The following MYEF2 variants were observed in gnomAD, a reference collection of about 807,000 sequenced individuals.
MYEF2 encodes myelin expression factor 2.
Under a neutral mutation model 75.2 loss-of-function variants are expected in MYEF2, and 37 were observed. That is an observed-to-expected ratio of 0.49 (90% CI 0.38 to 0.65). The LOEUF is 0.65. MYEF2 is among the 30% of genes least tolerant of loss of function. MYEF2 has a pLI of 0.00. For missense variants in MYEF2, 634 were observed against 771.4 expected (o/e 0.82, Z 2.11); for synonymous variants, 195 against 241.6 (o/e 0.81, Z 1.79).
At chr15:48,153,769 A>G in intron 10 of MYEF2, 23 bp downstream of exon 10, 1 of 1,590,722 alleles carries the variant, frequency 6.3e-7, no homozygotes, top group African/African-American at 1.3e-5. Flanking sequence ...TTTAAAAAGA[A>G]AAGAGGAAGT....
chr15:48,151,685 C>CT (rs1404582563), intron 12 of MYEF2, 114 bp from the exon 13 acceptor site: 2 of 1,222,454 alleles, frequency 1.6e-6, no homozygotes, highest in Non-Finnish European at 2.3e-6. Context: ...ATAAAATAGT[C>CT]TGTCATTTAC....
intron 1 of MYEF2, among the ~76,000 whole-genome samples, chr15:48,176,907 G>A (rs2040548402): frequency 1.3e-5 from 2 of 152,074 alleles, no homozygotes; most frequent in Non-Finnish European, 2.9e-5. Context: ...AGATGCTGCC[G>A]ATCCTGTTCA....
chr15:48,147,223 A>C (rs2039318143), intron 16 of MYEF2, among the ~76,000 whole-genome samples: 5 of 151,900 alleles, frequency 3.3e-5, no homozygotes, highest in Admixed American at 1.3e-4. Flanking sequence ...TCCTCATGTC[A>C]AAACAATGCC....
At chr15:48,174,700 T>C (rs890699816) in intron 1 of MYEF2, among the ~76,000 whole-genome samples, 12 of 152,118 alleles carry the variant, frequency 7.9e-5, no homozygotes, top group African/African-American at 2.7e-4. Context: ...GTGCTCAATA[T>C]CACTGTTCAT....
chr15:48,176,640 A>G (rs1356161589), intron 1 of MYEF2, among the ~76,000 whole-genome samples: 2 of 152,202 alleles, frequency 1.3e-5, no homozygotes, highest in Non-Finnish European at 2.9e-5. Flanking sequence ...TCAAGGCTGC[A>G]CTTTTTGTTC....
At chr15:48,152,544 A>T in intron 10 of MYEF2, 1 of 403,238 alleles carries the variant, frequency 2.5e-6, no homozygotes. Flanking sequence ...TCAGTTAGAG[A>T]ATATCTTGAA....
At chr15:48,154,310 T>G (rs1198109524) in intron 9 of MYEF2, among the ~76,000 whole-genome samples, 1 of 152,120 alleles carries the variant, frequency 6.6e-6, no homozygotes, top group Non-Finnish European at 1.5e-5. Context: ...AACTAAAAAG[T>G]CAATAACCAT....
intron 2 of MYEF2, among the ~76,000 whole-genome samples, chr15:48,168,405 G>A (rs1177946231): frequency 6.6e-6 from 1 of 152,054 alleles, no homozygotes; most frequent in African/African-American, 2.4e-5. Flanking sequence ...GCATGCATAT[G>A]CTGGCTCGCT....
Position 48,149,336 on chromosome 15 carries a change from C to A in MYEF2, c.1414G>T (p.Gly472Ter). Residue 472 changes from glycine to a stop codon, truncating the protein, a stop_gained, in exon 15 of 17, where the codon GGA becomes TGA. Coordinates refer to ENST00000324324, the MANE Select transcript of MYEF2 (RefSeq NM_016132.5). LOFTEE classifies it high-confidence loss of function. This position sits in a 1 kb window ranked among gnomAD's most constrained non-coding sequence, Gnocchi z 4.0. Reference protein sequence around the residue: ...GMGSMNSVTGGMGMGLDRMSS... With the variant: ...GMGSMNSVTG Reference sequence around the variant, plus strand: ...ATCCGGTCCAGTCCCATCCCCATTCCTCCAGTCACACTGTTCATGCTACCC... The same window carrying A: ...ATCCGGTCCAGTCCCATCCCCATTCATCCAGTCACACTGTTCATGCTACCC... 6.2e-7 allele frequency: 1 copy of A among 1,613,080 alleles called. No homozygotes were observed. The highest frequency in any genetic ancestry group is 8.5e-7 in the Non-Finnish European group (1 of 1,179,294).
intron 13 of MYEF2, 126 bp from the exon 14 acceptor site, chr15:48,151,297 A>T (rs1321058085): frequency 6.7e-6 from 7 of 1,042,110 alleles, no homozygotes; most frequent in Non-Finnish European, 1.0e-5. Flanking sequence ...AATAGAGTTC[A>T]AATATGTAAG....
chr15:48,161,673 C>T (rs1426966976), intron 5 of MYEF2, among the ~76,000 whole-genome samples: 1 of 150,760 alleles, frequency 6.6e-6, no homozygotes, highest in Non-Finnish European at 1.5e-5. Context: ...TATTTAGCAT[C>T]CAATATTATA....
rs768460212 is a variant in MYEF2, at chr15:48,151,189, G to C, written c.1307-18C>G. 2.5e-6 allele frequency: 4 copies of C among 1,576,588 alleles called. No individual in the cohort carries two copies. The South Asian group carries it at 4.6e-5, about 18-fold the overall frequency. On this transcript the variant is annotated intron_variant, in intron 13 of 16. Coordinates refer to ENST00000324324, the MANE Select transcript of MYEF2 (RefSeq NM_016132.5). The stretch of plus-strand genomic sequence containing the variant: ...TGCACTGCCTAAACAAGGATGGAAA[G>C]ATAATATACTAATTAATTTTAAATA...
intron 5 of MYEF2, among the ~76,000 whole-genome samples, chr15:48,160,486 T>TACACACACAC (rs372090273): frequency 0.015 from 2,083 of 139,278 alleles, 46 homozygotes; most frequent in African/African-American, 0.052. Context: ...AAACCAAACA[T>TACACACACAC]ACACACACAC....
chr15:48,169,446 A>G (rs951697595), intron 1 of MYEF2, among the ~76,000 whole-genome samples: 1 of 152,208 alleles, frequency 6.6e-6, no homozygotes, highest in Non-Finnish European at 1.5e-5. Flanking sequence ...GAAAACTTAT[A>G]AAGTATCCTA....
intron 9 of MYEF2, among the ~76,000 whole-genome samples, chr15:48,155,921 T>C (rs562043154): frequency 6.6e-6 from 1 of 152,030 alleles, no homozygotes; most frequent in Admixed American, 6.6e-5. Context: ...ACTACAGGCA[T>C]GCGCCACCAT....
intron 3 of MYEF2, 58 bp downstream of exon 3, chr15:48,167,291 A>C (rs2040167657): frequency 1.9e-6 from 3 of 1,551,676 alleles, no homozygotes; most frequent in Non-Finnish European, 2.7e-6. Flanking sequence ...TATTATACAA[A>C]AAGTAAACTG....
At position 48,139,052 on chromosome 15, in the gene MYEF2, T is replaced by C; in HGVS notation, c.*3856A>G. The C allele has an allele frequency of 6.2e-7, 1 of 1,613,164 alleles. No individual in the cohort carries two copies. Among genetic ancestry groups the C allele is most frequent in the East Asian group, 2.2e-5 (1 of 44,766 alleles). ...ATCCCTTCCTATTATTACATTACTT[T>C]TTCTAACCACACCAGATTGTAGAAA... On this transcript the variant is annotated 3_prime_UTR_variant, in exon 17 of 17. Transcript: ENST00000324324.
intron 14 of MYEF2, among the ~76,000 whole-genome samples, chr15:48,150,532 G>A (rs1171694010): frequency 6.6e-6 from 1 of 151,980 alleles, no homozygotes; most frequent in Non-Finnish European, 1.5e-5. Flanking sequence ...TTAATATAAG[G>A]CCTAAAAGGT....
At chr15:48,157,511 G>C (rs1193119782) in intron 9 of MYEF2, 1 of 155,748 alleles carries the variant, frequency 6.4e-6, no homozygotes, top group African/African-American at 2.4e-5. Flanking sequence ...AATAGTTATG[G>C]AACATCTATA....
Sources: gnomAD v4.1 joint callset for allele counts (sites outside exome capture counted in the v4.1 genomes callset) on GRCh38, gnomAD v4.1.1 for gene constraint, Gnocchi (gnomAD v3.1) non-coding constraint, MANE v1.5 for transcripts, NCBI Gene and HGNC (gene_info 2026-07-23, HGNC 2026-07-21) for gene names.